Variants in GARIN1A observed in about 807,000 individuals in gnomAD.
GARIN1A encodes the protein Golgi-associated RAB2 interactor protein 1A.
At chr7:128,675,872 G>A in the GARIN1A span, 3 of 1,573,378 alleles carry the variant, frequency 1.9e-6, no homozygotes, top group Non-Finnish European at 2.6e-6. Context: ...AAAGGCTTGA[G>A]GGAGGGCGGG....
chr7:128,677,482 C>G, the GARIN1A span: 3 of 1,374,450 alleles, frequency 2.2e-6, no homozygotes, highest in Non-Finnish European at 2.8e-6. Flanking sequence ...ACTCTAGCCT[C>G]GGCGGCAGCG....
Sources: gnomAD v4.1 joint callset for allele counts on GRCh38, gnomAD v4.1.1 for gene constraint, MANE v1.5 for transcripts, NCBI Gene and HGNC (gene_info 2026-07-23, HGNC 2026-07-21) for gene names.